The following CDH13 variants were observed in gnomAD, a reference collection of about 807,000 sequenced individuals.
CDH13 encodes cadherin 13, also known as cadherin-13.
In CDH13, 24 loss-of-function variants were observed where a neutral mutation model predicts 63.8. The observed-to-expected ratio is 0.38, with a 90% CI of 0.27 to 0.53. CDH13 has a LOEUF of 0.53. Among genes scored for constraint, CDH13 ranks in the 20% least tolerant of loss-of-function variants. CDH13 has a pLI of 0.85. For synonymous variants in CDH13, 503 were observed against 355.3 expected (o/e 1.42, Z -4.67); for missense variants, 1,049 against 903.1 (o/e 1.16, Z -2.07).
chr16:82,943,461 G>A (rs1296122154), intron 2 of CDH13, among the ~76,000 whole-genome samples: 1 of 152,086 alleles, frequency 6.6e-6, no homozygotes, highest in African/African-American at 2.4e-5. Context: ...TGACTCAAAT[G>A]GAAGAAGAAT....
intron 11 of CDH13, among the ~76,000 whole-genome samples, chr16:83,768,615 G>A (rs1031123872): frequency 2.6e-5 from 4 of 152,190 alleles, no homozygotes; most frequent in African/African-American, 9.7e-5. Context: ...ACGACATCGA[G>A]CAGCCCCAAG....
chr16:83,053,899 A>T (rs576407757), intron 3 of CDH13, among the ~76,000 whole-genome samples: 21 of 152,330 alleles, frequency 1.4e-4, no homozygotes, highest in African/African-American at 5.0e-4. Context: ...GTGTATGTAT[A>T]TAGTCACGTG....
Position 83,697,132 on chromosome 16 carries a change from T to G in CDH13, c.1538+18671T>G, listed in dbSNP as rs573197185. Among the ~76,000 whole-genome samples the G allele has an allele frequency of 2.6e-5, 4 of 152,284 alleles. No homozygotes were observed. In the South Asian group the frequency reaches 6.2e-4, roughly 24 times the overall value. On this transcript the variant is annotated intron_variant, in intron 10 of 13. Coordinates refer to ENST00000567109, the MANE Select transcript of CDH13 (RefSeq NM_001257.5). ...CATATTTGTGAGCTCACCCACTCAATAAAATGTATTTGTCACCCCAACATT... is the reference window on the plus strand; with the variant it reads ...CATATTTGTGAGCTCACCCACTCAAGAAAATGTATTTGTCACCCCAACATT...
At chr16:83,612,371 A>AT (rs139685403) in intron 8 of CDH13, among the ~76,000 whole-genome samples, 5 of 150,396 alleles carry the variant, frequency 3.3e-5, no homozygotes, top group African/African-American at 9.8e-5. Flanking sequence ...TCTTTCTGTC[A>AT]TTTTTTTCTT....
chr16:83,232,702 C>T (rs7193182), intron 5 of CDH13, among the ~76,000 whole-genome samples: 48,020 of 151,894 alleles, frequency 0.32, 8,067 homozygotes, highest in African/African-American at 0.37. Context: ...CAGCATCATG[C>T]TTCCTATACA....
chr16:83,571,675 G>A (rs1439964270), intron 7 of CDH13, among the ~76,000 whole-genome samples: 2 of 152,154 alleles, frequency 1.3e-5, no homozygotes, highest in African/African-American at 2.4e-5. Context: ...CTCCTGAGGA[G>A]GACCAGGGGT....
chr16:83,467,786 C>T (rs1022198087), intron 6 of CDH13, among the ~76,000 whole-genome samples: 1 of 152,172 alleles, frequency 6.6e-6, no homozygotes, highest in Non-Finnish European at 1.5e-5. Flanking sequence ...CTGAGCCAGT[C>T]ACTTCTGTTC....
At chr16:83,588,830 A>G (rs1001102579) in intron 7 of CDH13, among the ~76,000 whole-genome samples, 2 of 152,216 alleles carry the variant, frequency 1.3e-5, no homozygotes, top group Non-Finnish European at 2.9e-5. Flanking sequence ...CCCCCTGGGA[A>G]GCTGGCAGGT....
At position 83,566,065 on chromosome 16, in the gene CDH13, C is replaced by T. The variant is rs575023061; in HGVS notation, c.961-36389C>T. Among the ~76,000 whole-genome samples the T allele has an allele frequency of 3.9e-5, 6 of 152,272 alleles. No homozygotes were observed. In the South Asian group the frequency reaches 6.2e-4, roughly 16 times the overall value. ...GCAAGGCTACAGAACTGTGTTCATC[C>T]GTCTCTTGACTTGGACTATGGAAGT... On this transcript the variant is annotated intron_variant, in intron 7 of 13. Coordinates refer to ENST00000567109, the MANE Select transcript of CDH13 (RefSeq NM_001257.5).
intron 6 of CDH13, among the ~76,000 whole-genome samples, chr16:83,368,718 C>G (rs549755511): frequency 6.6e-6 from 1 of 151,238 alleles, no homozygotes; most frequent in East Asian, 1.9e-4. Context: ...TATTCTTATG[C>G]CTTTGCATCC....
intron 2 of CDH13, among the ~76,000 whole-genome samples, chr16:82,874,239 G>C (rs775187986): frequency 2.0e-5 from 3 of 152,028 alleles, no homozygotes; most frequent in Non-Finnish European, 4.4e-5. Context: ...AACATGTTTG[G>C]TATGCTGAGT....
chr16:83,420,313 G>C (rs2071678952), intron 6 of CDH13, among the ~76,000 whole-genome samples: 1 of 152,150 alleles, frequency 6.6e-6, no homozygotes, highest in Non-Finnish European at 1.5e-5. Context: ...AGGAGGTCTG[G>C]CTAGACACAA....
At chr16:83,707,421 T>C (rs924895561) in intron 10 of CDH13, among the ~76,000 whole-genome samples, 1 of 152,232 alleles carries the variant, frequency 6.6e-6, no homozygotes, top group African/African-American at 2.4e-5. Flanking sequence ...CACCTTCATC[T>C]CCTGTAACCT....
At chr16:83,063,294 CA>C (rs1422373892) in intron 3 of CDH13, among the ~76,000 whole-genome samples, 1 of 152,090 alleles carries the variant, frequency 6.6e-6, no homozygotes, top group African/African-American at 2.4e-5. Context: ...GCAGGTCAAC[CA>C]TATGAAAACA....
At chr16:82,687,517 C>G (rs560705441) in intron 1 of CDH13, among the ~76,000 whole-genome samples, 83 of 152,254 alleles carry the variant, frequency 5.5e-4, no homozygotes, top group Non-Finnish European at 8.5e-4. Flanking sequence ...AAAGTCACAT[C>G]TTGCATGGTG....
chr16:83,515,946 G>T (rs1052092111), intron 7 of CDH13, among the ~76,000 whole-genome samples: 3 of 152,088 alleles, frequency 2.0e-5, no homozygotes, highest in Non-Finnish European at 4.4e-5. Context: ...TGATATTTGG[G>T]TATAATATTA....
rs144686726 is a variant in CDH13 at position 83,270,223 on chromosome 16, C to T, written c.636+52726C>T. ...AGCTTGTAATTAAAACAGTATAACA[C>T]GAGTGTTTGATGACTCTCTTAGTGC... On this transcript the variant is annotated intron_variant, in intron 5 of 13. Transcript: ENST00000567109. Among the ~76,000 whole-genome samples the T allele has an allele frequency of 1.7e-3, 258 of 152,132 alleles. 1 individual carries two copies. Among genetic ancestry groups the T allele is most frequent in the African/African-American group, 5.9e-3 (243 of 41,506 alleles).
At chr16:83,379,771 G>C (rs2091522835) in intron 6 of CDH13, among the ~76,000 whole-genome samples, 1 of 151,906 alleles carries the variant, frequency 6.6e-6, no homozygotes, top group Admixed American at 6.6e-5. Context: ...GTGTATCAAT[G>C]GGTGAATGGC....
intron 5 of CDH13, among the ~76,000 whole-genome samples, chr16:83,313,292 C>G (rs2090038595): frequency 6.6e-6 from 1 of 152,130 alleles, no homozygotes; most frequent in Non-Finnish European, 1.5e-5. Flanking sequence ...GACTTGAAAT[C>G]CTTGAGAGCA....
Sources: allele counts gnomAD v4.1 joint callset (sites outside exome capture counted in the v4.1 genomes callset), GRCh38; gene constraint gnomAD v4.1.1; transcripts MANE v1.5; gene names NCBI Gene and HGNC (gene_info 2026-07-23, HGNC 2026-07-21).